PDSS2: variants seen among roughly 807,000 people sequenced by gnomAD.
PDSS2 encodes the protein decaprenyl diphosphate synthase subunit 2.
In PDSS2, 31 loss-of-function variants were observed where a neutral mutation model predicts 44.5. The observed-to-expected ratio is 0.70, with a 90% CI of 0.52 to 0.94. PDSS2 has a LOEUF of 0.94. PDSS2 is among the 40% of genes least tolerant of loss of function. The pLI, the probability that PDSS2 is intolerant of heterozygous loss-of-function variation, is 0.00. For missense variants in PDSS2, 452 were observed against 482.2 expected, an observed-to-expected ratio of 0.94 and a Z score of 0.59; for synonymous variants, 157 against 180.3, an observed-to-expected ratio of 0.87 and a Z score of 1.03.
chr6:107,360,756 G>A (rs547002301), intron 1 of PDSS2, among the ~76,000 whole-genome samples: 1 of 152,278 alleles, frequency 6.6e-6, no homozygotes, highest in Admixed American at 6.5e-5. Flanking sequence ...TTTCACAAAG[G>A]GATGCCTACA....
At chr6:107,334,626 AACC>A (rs1161870069) in intron 1 of PDSS2, among the ~76,000 whole-genome samples, 1 of 151,186 alleles carries the variant, frequency 6.6e-6, no homozygotes, top group African/African-American at 2.4e-5. Flanking sequence ...CTGCAGCCTC[AACC>A]TCCCGGTCCT....
chr6:107,295,789 T>C (rs1776490918), intron 2 of PDSS2, among the ~76,000 whole-genome samples: 1 of 152,200 alleles, frequency 6.6e-6, no homozygotes, highest in South Asian at 2.1e-4. Context: ...TGGTCTTTTA[T>C]TCCTTGACCT....
intron 1 of PDSS2, among the ~76,000 whole-genome samples, chr6:107,457,809 A>T (rs1270022969): frequency 6.6e-6 from 1 of 152,252 alleles, no homozygotes; most frequent in East Asian, 1.9e-4. Context: ...CAAAATTGAA[A>T]TTAAATGGTA....
chr6:107,275,201 T>C (rs567734720), intron 2 of PDSS2, among the ~76,000 whole-genome samples: 57 of 152,310 alleles, frequency 3.7e-4, no homozygotes, highest in African/African-American at 1.3e-3. Flanking sequence ...TTCTGTAGTT[T>C]GTCTATTTTG....
rs910024508 is a variant in PDSS2, at chr6:107,223,454, C to T, written c.703-11172G>A. 2.1e-4 allele frequency among the ~76,000 whole-genome samples: 32 copies of T among 151,038 alleles called. 3 individuals carry two copies. The highest frequency in any genetic ancestry group is 7.4e-4 in the African/African-American group (30 of 40,496). On this transcript the variant is annotated intron_variant, in intron 4 of 7. Transcript: ENST00000369037. Reference sequence around the variant, plus strand: ...GCTGAGGTGGGAAGACTGCTTGAGCCTGGGAGGGAGGTGGAGGTTGCAGTG... The same window carrying T: ...GCTGAGGTGGGAAGACTGCTTGAGCTTGGGAGGGAGGTGGAGGTTGCAGTG...
At chr6:107,451,114 G>A (rs757327177) in intron 1 of PDSS2, among the ~76,000 whole-genome samples, 6 of 152,224 alleles carry the variant, frequency 3.9e-5, no homozygotes, top group Non-Finnish European at 7.3e-5. Flanking sequence ...TTACAGGCGT[G>A]AGCCACTGTG....
At chr6:107,402,370 G>T (rs685971) in intron 1 of PDSS2, among the ~76,000 whole-genome samples, 104,670 of 141,424 alleles carry the variant, frequency 0.74, 38,528 homozygotes, top group Middle Eastern at 0.81. Flanking sequence ...ACAATCAAAC[G>T]TATAAATCAT....
chr6:107,438,741 T>C (rs977089284), intron 1 of PDSS2, among the ~76,000 whole-genome samples: 2 of 152,176 alleles, frequency 1.3e-5, no homozygotes, highest in Non-Finnish European at 2.9e-5. Context: ...CCAAAACCTC[T>C]CCAGGATTAT....
At chr6:107,405,353 G>T (rs920913562) in intron 1 of PDSS2, among the ~76,000 whole-genome samples, 3 of 151,348 alleles carry the variant, frequency 2.0e-5, no homozygotes, top group Non-Finnish European at 4.4e-5. Flanking sequence ...AGAACTCAGA[G>T]GTCTTATAAA....
intron 2 of PDSS2, among the ~76,000 whole-genome samples, chr6:107,306,628 T>TATGATGCTGGAATGCA (rs1776869792): frequency 6.6e-6 from 1 of 152,212 alleles, no homozygotes. Context: ...ATGCATATGT[T>TATGATGCTGGAATGCA]CCAGAAATTA....
intron 4 of PDSS2, among the ~76,000 whole-genome samples, chr6:107,225,258 C>T (rs111360379): frequency 2.1e-5 from 3 of 140,388 alleles, no homozygotes; most frequent in Non-Finnish European, 3.0e-5. Context: ...CTGCAACCTC[C>T]GCCTCCCGGG....
intron 1 of PDSS2, among the ~76,000 whole-genome samples, chr6:107,345,718 G>C (rs1375485966): frequency 6.6e-6 from 1 of 152,060 alleles, no homozygotes; most frequent in Non-Finnish European, 1.5e-5. Context: ...GTTTAAAAAT[G>C]AATGGAAAAA....
intron 4 of PDSS2, 40 bp from the exon 5 acceptor site, chr6:107,212,322 G>A (rs1773249292): frequency 1.3e-6 from 2 of 1,483,704 alleles, no homozygotes; most frequent in South Asian, 1.2e-5. Flanking sequence ...AAGACTTTAG[G>A]AGTAATTTAA....
At chr6:107,452,809 G>A (rs947060197) in intron 1 of PDSS2, among the ~76,000 whole-genome samples, 5 of 151,510 alleles carry the variant, frequency 3.3e-5, no homozygotes, top group South Asian at 4.2e-4. Context: ...TGGGATTACA[G>A]GTGCACATCA....
intron 1 of PDSS2, among the ~76,000 whole-genome samples, chr6:107,403,461 T>C (rs1248878753): frequency 6.6e-6 from 1 of 152,226 alleles, no homozygotes; most frequent in East Asian, 1.9e-4. Context: ...TAGAGGATGG[T>C]GACCCTCTTC....
At chr6:107,300,599 T>G (rs1298029083) in intron 2 of PDSS2, among the ~76,000 whole-genome samples, 1 of 152,114 alleles carries the variant, frequency 6.6e-6, no homozygotes, top group Non-Finnish European at 1.5e-5. Context: ...AAAGAAATAG[T>G]CAGATCATCT....
chr6:107,255,611 A>AC (rs942083872), intron 3 of PDSS2, among the ~76,000 whole-genome samples: 1 of 151,956 alleles, frequency 6.6e-6, no homozygotes, highest in African/African-American at 2.4e-5. Context: ...AAAAAAAAAA[A>AC]AAACAAACAA....
chr6:107,218,748 A>G (rs931049054), intron 4 of PDSS2, among the ~76,000 whole-genome samples: 1 of 152,188 alleles, frequency 6.6e-6, no homozygotes, highest in Non-Finnish European at 1.5e-5. Context: ...ACTTGGTCAG[A>G]ATAAAGAATT....
At chr6:107,273,896 C>T (rs1306969599) in intron 3 of PDSS2, 133 bp downstream of exon 3, 1 of 733,414 alleles carries the variant, frequency 1.4e-6, no homozygotes, top group Non-Finnish European at 2.5e-6. Flanking sequence ...TTATGTTCAT[C>T]ACAGTTTTAC....
Sources: gnomAD v4.1 joint callset for allele counts (sites outside exome capture counted in the v4.1 genomes callset) on GRCh38, gnomAD v4.1.1 for gene constraint, MANE v1.5 for transcripts, NCBI Gene and HGNC (gene_info 2026-07-23, HGNC 2026-07-21) for gene names.